The following CRY2 variants were observed in gnomAD, a reference collection of about 807,000 sequenced individuals.
CRY2 encodes the protein cryptochrome circadian regulator 2.
Under a neutral mutation model 69.5 loss-of-function variants are expected in CRY2, and 31 were observed. The observed-to-expected ratio is 0.45, with a 90% CI of 0.34 to 0.60. The LOEUF (loss-of-function observed/expected upper bound fraction) is 0.60. Among genes scored for constraint, CRY2 ranks in the 20% least tolerant of loss-of-function variants. The pLI is 0.02. For synonymous variants in CRY2, 303 were observed against 312.2 expected (o/e 0.97, Z 0.31); for missense variants, 606 against 797.8 (o/e 0.76, Z 2.90).
At chr11:45,849,747 A>C (rs1429772903) in intron 1 of CRY2, among the ~76,000 whole-genome samples, 1 of 151,906 alleles carries the variant, frequency 6.6e-6, no homozygotes, top group Non-Finnish European at 1.5e-5. Context: ...CAGTCTCCCA[A>C]GTAGCCAGGA....
chr11:45,858,068 T>C (rs1437830566), intron 2 of CRY2, among the ~76,000 whole-genome samples: 1 of 152,224 alleles, frequency 6.6e-6, no homozygotes, highest in Admixed American at 6.5e-5. Flanking sequence ...GCCAGCTTGC[T>C]ATGAGATCTA....
chr11:45,864,665 C>T lies in CRY2; in HGVS notation c.741+2517C>T, dbSNP rs150461597. Among the ~76,000 whole-genome samples the T allele has an allele frequency of 1.9e-4, 29 of 152,022 alleles. No homozygotes were observed. The East Asian group carries it at 4.1e-3, about 22-fold the overall frequency. ...GGTGGAGCACTTGAAGTCAGGAGTT[C>T]GAGACCAGCCTGGCCAACATAGTGA... On this transcript the variant is annotated intron_variant, in intron 5 of 11. Transcript: ENST00000616080.
chr11:45,881,559 A>G lies in CRY2; in HGVS notation c.*648A>G, dbSNP rs1156316115. On this transcript the variant is annotated 3_prime_UTR_variant, in exon 12 of 12. Coordinates refer to ENST00000616080, the MANE Select transcript of CRY2 (RefSeq NM_021117.5). Reference sequence around the variant, plus strand: ...CATGAGGCCATAGACAGATCTAAAAAGTTTCCACCACCCTACAGAAGTACA... The same window carrying G: ...CATGAGGCCATAGACAGATCTAAAAGGTTTCCACCACCCTACAGAAGTACA... The G allele has an allele frequency of 6.6e-6, 1 of 152,288 alleles. No homozygotes were observed. The highest frequency in any genetic ancestry group is 1.5e-5 in the Non-Finnish European group (1 of 68,078). The allele number at this position is 152,288 out of a possible 1,614,324, so 9.4% of individuals were successfully genotyped here.
intron 11 of CRY2, among the ~76,000 whole-genome samples, chr11:45,872,704 T>G (rs1226291141): frequency 2.0e-5 from 3 of 152,224 alleles, no homozygotes; most frequent in Admixed American, 2.0e-4. Flanking sequence ...TTTGTATTTT[T>G]TTGCCAGCTA....
intron 1 of CRY2, among the ~76,000 whole-genome samples, chr11:45,855,526 A>G (rs1012726075): frequency 6.6e-6 from 1 of 152,212 alleles, no homozygotes; most frequent in Non-Finnish European, 1.5e-5. Flanking sequence ...CTGGGCAGAT[A>G]CTTATATCTA....
intron 1 of CRY2, among the ~76,000 whole-genome samples, chr11:45,852,133 G>A (rs2086202979): frequency 6.6e-6 from 1 of 152,176 alleles, no homozygotes; most frequent in African/African-American, 2.4e-5. Context: ...TCTGGCTCCA[G>A]AGCACTTACA....
At chr11:45,861,261 T>G in intron 4 of CRY2, 1 of 514,824 alleles carries the variant, frequency 1.9e-6, no homozygotes, top group Non-Finnish European at 3.4e-6. Context: ...CTTCTGTTTC[T>G]GGTTCTAGAT....
chr11:45,868,089 G>A (rs2086345870), intron 6 of CRY2: 1 of 301,616 alleles, frequency 3.3e-6, no homozygotes. Context: ...GAGGCATGGA[G>A]AGGGTGAGGC....
At chr11:45,863,548 G>C (rs2086305629) in intron 5 of CRY2, among the ~76,000 whole-genome samples, 1 of 151,514 alleles carries the variant, frequency 6.6e-6, no homozygotes, top group African/African-American at 2.4e-5. Context: ...CCTGATTTCA[G>C]GATGTTTATT....
chr11:45,864,041 G>A (rs2086310355), intron 5 of CRY2, among the ~76,000 whole-genome samples: 1 of 152,156 alleles, frequency 6.6e-6, no homozygotes, highest in African/African-American at 2.4e-5. Flanking sequence ...TTATGTATTG[G>A]TGACTGCTGA....
chr11:45,854,556 G>A (rs891996169), intron 1 of CRY2, among the ~76,000 whole-genome samples: 2 of 152,172 alleles, frequency 1.3e-5, no homozygotes, highest in East Asian at 1.9e-4. Context: ...TGGGTGTGGT[G>A]CACATACCTA....
chr11:45,853,647 C>T (rs2086215508), intron 1 of CRY2, among the ~76,000 whole-genome samples: 2 of 106,178 alleles, frequency 1.9e-5, no homozygotes, highest in African/African-American at 5.3e-5. Flanking sequence ...GATGGAGGAC[C>T]CTGTGTCCTG....
Position 45,872,205 on chromosome 11 carries a change from CCA to C in CRY2, c.1757_1758del (p.Pro586ArgfsTer68). The C allele has an allele frequency of 6.2e-7, 1 of 1,614,066 alleles. No individual in the cohort carries two copies. The highest frequency in any genetic ancestry group is 8.5e-7 in the Non-Finnish European group (1 of 1,180,016). On this transcript the variant is annotated frameshift_variant, in exon 11 of 12. Transcript: ENST00000616080. LOFTEE classifies it high-confidence loss of function. ...GGCCCGGGTGGCAGAGTTGCCAACC[CCA>C]GAGCTGCCGAGCAAGGATGCCTGAG... The part of the protein sequence containing the change: ...KRARVAELPT[P>X]ELPSKDA
At chr11:45,850,849 A>G (rs1341258288) in intron 1 of CRY2, among the ~76,000 whole-genome samples, 1 of 152,090 alleles carries the variant, frequency 6.6e-6, no homozygotes, top group African/African-American at 2.4e-5. Context: ...CTCCCACACA[A>G]TGTTTTTCTG....
intron 11 of CRY2, among the ~76,000 whole-genome samples, chr11:45,876,889 C>G (rs2086428636): frequency 6.6e-6 from 1 of 152,236 alleles, no homozygotes; most frequent in Admixed American, 6.5e-5. Flanking sequence ...AGACTAGTGT[C>G]TGCATCCCAG....
chr11:45,860,417 G>C (rs1001870916), intron 3 of CRY2, among the ~76,000 whole-genome samples: 1 of 149,136 alleles, frequency 6.7e-6, no homozygotes, highest in Non-Finnish European at 1.5e-5. Flanking sequence ...CATGTCTTCA[G>C]CTCTTATCAA....
chr11:45,850,259 C>CTT (rs747784327), intron 1 of CRY2, among the ~76,000 whole-genome samples: 57 of 151,902 alleles, frequency 3.8e-4, no homozygotes, highest in Non-Finnish European at 7.6e-4. Flanking sequence ...TCACCTGCGT[C>CTT]AACCTCCCGA....
intron 11 of CRY2, among the ~76,000 whole-genome samples, chr11:45,875,993 T>TG (rs2134650550): frequency 6.6e-6 from 1 of 152,246 alleles, no homozygotes; most frequent in East Asian, 1.9e-4. Flanking sequence ...CTAAGCTGAA[T>TG]GGACCACAGA....
chr11:45,882,699 C>T lies in CRY2; in HGVS notation c.*1788C>T, dbSNP rs2086485337. On this transcript the variant is annotated 3_prime_UTR_variant, in exon 12 of 12. Transcript: ENST00000616080. ...GCTTCCCTGTTCCCTCAGCCCCAGT[C>T]GAGAGGAAAGAGAATCGGGCCACTG... is the stretch of plus-strand genomic sequence containing the variant. 7.5e-6 allele frequency: 3 copies of T among 398,794 alleles called. No individual in the cohort carries two copies. The highest frequency in any genetic ancestry group is 3.6e-5 in the East Asian group (1 of 28,082). 24.7% of individuals were successfully genotyped at this position (398,794 alleles called of 1,614,324 possible). A position where few individuals can be genotyped will look rare whatever the true frequency, so the allele number is the denominator to read the frequency against.
Sources: gnomAD v4.1 joint callset for allele counts (sites outside exome capture counted in the v4.1 genomes callset) on GRCh38, gnomAD v4.1.1 for gene constraint, MANE v1.5 for transcripts, NCBI Gene and HGNC (gene_info 2026-07-23, HGNC 2026-07-21) for gene names.